EXD3: variants seen among roughly 807,000 people sequenced by gnomAD.
The protein encoded by EXD3 is exonuclease 3'-5' domain containing 3.
A neutral mutation model predicts 98.0 loss-of-function variants in EXD3; 92 were observed. The observed-to-expected ratio is 0.94, with a 90% CI of 0.79 to 1.12. The LOEUF (loss-of-function observed/expected upper bound fraction) is 1.12, where lower values mean the gene tolerates loss of function less well. Among genes scored for constraint, EXD3 ranks in the 50% most tolerant of loss-of-function variants. The probability of loss-of-function intolerance (pLI) is 0.00; values close to 1 mark genes in which losing one functional copy is unlikely to be tolerated. For missense variants in EXD3, 1,222 were observed against 1,191.6 expected, an observed-to-expected ratio of 1.03 and a Z score of -0.38; for synonymous variants, 569 against 526.0, an observed-to-expected ratio of 1.08 and a Z score of -1.12.
chr9:137,362,028 T>G (rs1333735763), intron 7 of EXD3, among the ~76,000 whole-genome samples: 2 of 152,070 alleles, frequency 1.3e-5, no homozygotes, highest in Non-Finnish European at 2.9e-5. Context: ...CCAAAGCTCA[T>G]TCAAAAAGAC....
intron 17 of EXD3, among the ~76,000 whole-genome samples, chr9:137,331,350 A>T (rs1180365667): frequency 6.6e-6 from 1 of 152,068 alleles, no homozygotes; most frequent in Non-Finnish European, 1.5e-5. Flanking sequence ...CAACAAGACA[A>T]GGATGCCCTC....
intron 17 of EXD3, among the ~76,000 whole-genome samples, chr9:137,345,399 C>G (rs530529025): frequency 1.3e-5 from 2 of 152,158 alleles, no homozygotes; most frequent in African/African-American, 4.8e-5. Flanking sequence ...TGGTGGCTCA[C>G]GCCTGTAATC....
chr9:137,369,214 G>A (rs1835459570), intron 5 of EXD3, among the ~76,000 whole-genome samples: 1 of 151,892 alleles, frequency 6.6e-6, no homozygotes, highest in Non-Finnish European at 1.5e-5. Flanking sequence ...CACATGGGGA[G>A]GGGCGCAGGG....
chr9:137,373,861 C>A (rs181384224), intron 3 of EXD3, among the ~76,000 whole-genome samples: 50 of 152,368 alleles, frequency 3.3e-4, no homozygotes, highest in African/African-American at 1.1e-3. Context: ...CAGAGGGCCG[C>A]TGGCCTGGGA....
intron 19 of EXD3, among the ~76,000 whole-genome samples, chr9:137,312,149 G>A (rs867257202): frequency 6.6e-6 from 1 of 152,188 alleles, no homozygotes; most frequent in Non-Finnish European, 1.5e-5. Flanking sequence ...AGAGACAAGT[G>A]GGGCCTGACG....
intron 21 of EXD3, 146 bp from the exon 22 acceptor site, chr9:137,307,409 T>C (rs1007644144): frequency 1.5e-6 from 2 of 1,340,840 alleles, no homozygotes; most frequent in Non-Finnish European, 2.0e-6. Flanking sequence ...CCGCTGACTC[T>C]GCGTCCTCCA....
At position 137,349,003 on chromosome 9, in the gene EXD3, A is replaced by G; in HGVS notation, c.1830+107T>C. 2 of 1,333,754 alleles carry G rather than the reference A, an allele frequency of 1.5e-6. No individual in the cohort carries two copies. Among genetic ancestry groups the G allele is most frequent in the Non-Finnish European group, 2.0e-6 (2 of 1,002,032 alleles). 82.6% of individuals were successfully genotyped at this position (1,333,754 alleles called of 1,614,324 possible). ...TCGCTCCAGGAGCTGGGCCCCCTCC[A>G]CACGCTCTGACCCAGTGGCCTTGTC... On this transcript the variant is annotated intron_variant, in intron 16 of 21. Transcript: ENST00000340951. The surrounding 1 kb of genome is among the most constrained non-coding windows in gnomAD (Gnocchi z 7.4).
Position 137,393,769 on chromosome 9 carries a change from C to T in EXD3, c.55+1534G>A, listed in dbSNP as rs1837063877. Among the ~76,000 whole-genome samples the T allele has an allele frequency of 6.6e-6, 1 of 152,142 alleles. No homozygotes were observed. The highest frequency in any genetic ancestry group is 2.1e-4 in the South Asian group (1 of 4,830). Reference sequence around the variant, plus strand: ...ATGGCCCTGCCCCATGGAGGGGCTGCCAGGCAGGGCATGTGTAGGGTGGAA... The same window carrying T: ...ATGGCCCTGCCCCATGGAGGGGCTGTCAGGCAGGGCATGTGTAGGGTGGAA... On this transcript the variant is annotated intron_variant, in intron 2 of 21. Coordinates refer to ENST00000340951, the MANE Select transcript of EXD3 (RefSeq NM_017820.5). This position sits in a 1 kb window ranked among gnomAD's most constrained non-coding sequence, Gnocchi z 4.6.
At chr9:137,310,765 G>T (rs544592558) in intron 19 of EXD3, among the ~76,000 whole-genome samples, 35 of 152,340 alleles carry the variant, frequency 2.3e-4, no homozygotes, top group African/African-American at 7.5e-4. Context: ...GCAGGCACCT[G>T]CAGGTCCTGT....
intron 1 of EXD3, among the ~76,000 whole-genome samples, chr9:137,396,310 A>AG (rs1274994355): frequency 2.0e-5 from 3 of 152,160 alleles, no homozygotes; most frequent in Non-Finnish European, 4.4e-5. Context: ...TACACTTACG[A>AG]GGGTCACCCT....
At position 137,351,365 on chromosome 9, in the gene EXD3, G is replaced by A; in HGVS notation, c.1337C>T (p.Ser446Phe). 1.2e-6 allele frequency: 2 copies of A among 1,611,906 alleles called. No individual in the cohort carries two copies. Residue 446 changes from serine (S) to phenylalanine (F), a missense_variant, in exon 13 of 22, where the codon TCC becomes TTC. Ser to Phe is a radical substitution (Grantham distance 155, BLOSUM62 -2). Transcript: ENST00000340951. Reference protein sequence around the residue: ...PPTGQGAQAFSRLVAQLLSDP... With the variant: ...PPTGQGAQAFFRLVAQLLSDP... Reference sequence around the variant, plus strand: ...CGAGAGGAGCTGGGCCACCAGCCGGGAAAAGGCCTGGGCTCCCTGCCCTGT... The same window carrying A: ...CGAGAGGAGCTGGGCCACCAGCCGGAAAAAGGCCTGGGCTCCCTGCCCTGT...
At chr9:137,365,762 ACACCACATG>A in intron 7 of EXD3, 1 of 328,732 alleles carries the variant, frequency 3.0e-6, no homozygotes, top group Non-Finnish European at 5.9e-6. Context: ...ATGCACACAC[ACACCACATG>A]CACGAAAACA....
At chr9:137,354,621 G>A (rs572772071) in intron 9 of EXD3, 79 bp downstream of exon 9, 14 of 1,589,206 alleles carry the variant, frequency 8.8e-6, no homozygotes, top group South Asian at 3.4e-5. Flanking sequence ...ACCCTGCAGT[G>A]CGCAGTGAGT....
rs568336674 is a variant in EXD3 at position 137,393,302 on chromosome 9, G to T, written c.55+2001C>A. 5.7e-6 allele frequency: 4 copies of T among 697,938 alleles called. No individual in the cohort carries two copies. The Admixed American group carries it at 8.0e-5, about 14-fold the overall frequency. The allele number at this position is 697,938 out of a possible 1,614,324, so 43.2% of individuals were successfully genotyped here. On this transcript the variant is annotated intron_variant, in intron 2 of 21. Coordinates refer to ENST00000340951, the MANE Select transcript of EXD3 (RefSeq NM_017820.5). The surrounding 1 kb of genome is among the most constrained non-coding windows in gnomAD (Gnocchi z 4.6). ...GTCCCATGCGCTCCCCGGCCCTGAC[G>T]GCGGTCTCCAGGGGAGGTAACAGGG...
chr9:137,365,644 CAT>C, intron 7 of EXD3: 2 of 229,070 alleles, frequency 8.7e-6, no homozygotes, highest in East Asian at 1.1e-4. Flanking sequence ...CGTGCACACA[CAT>C]ACATGTACAC....
intron 3 of EXD3, 88 bp downstream of exon 3, chr9:137,383,225 A>C: frequency 9.0e-7 from 1 of 1,108,910 alleles, no homozygotes. Context: ...CTTCCTGACC[A>C]GGGAGGCCTC....
rs138431335 is a variant in EXD3, at chr9:137,385,823, C to T, written c.56-2446G>A. Among the ~76,000 whole-genome samples, 47 of 152,180 alleles carry T rather than the reference C, an allele frequency of 3.1e-4. No homozygotes were observed. The highest frequency in any genetic ancestry group is 1.0e-3 in the African/African-American group (42 of 41,548). ...TGCTGGGATGACAGGCGTGAGCCAC[C>T]GCGCCCAGCCCAGATTTTCTTTTAA... On this transcript the variant is annotated intron_variant, in intron 2 of 21. Transcript: ENST00000340951. The surrounding 1 kb of genome is among the most constrained non-coding windows in gnomAD (Gnocchi z 4.4).
chr9:137,346,972 C>T (rs1158660352), intron 17 of EXD3, among the ~76,000 whole-genome samples: 4 of 152,092 alleles, frequency 2.6e-5, no homozygotes, highest in East Asian at 3.9e-4. Context: ...CCCGCCACCA[C>T]GCCCAGCTAA....
At chr9:137,377,677 C>A (rs193203849) in intron 3 of EXD3, among the ~76,000 whole-genome samples, 8 of 141,800 alleles carry the variant, frequency 5.6e-5, no homozygotes, top group Non-Finnish European at 1.2e-4. Context: ...GCTGAGATTG[C>A]GCCACTGCAC....
Sources: gnomAD v4.1 joint callset for allele counts (sites outside exome capture counted in the v4.1 genomes callset) on GRCh38, gnomAD v4.1.1 for gene constraint, Gnocchi (gnomAD v3.1) non-coding constraint, MANE v1.5 for transcripts, NCBI Gene and HGNC (gene_info 2026-07-23, HGNC 2026-07-21) for gene names.